Variants in R3HDM2 observed in about 807,000 individuals in gnomAD.
R3HDM2 encodes the protein R3H domain containing 2, also known as R3H domain-containing protein 2.
A neutral mutation model predicts 124.5 loss-of-function variants in R3HDM2; 38 were observed. The observed-to-expected ratio is 0.31, with a 90% CI of 0.24 to 0.40. The LOEUF (loss-of-function observed/expected upper bound fraction) is 0.40. R3HDM2 is among the 10% of genes least tolerant of loss of function. The pLI is 1.00. For missense variants in R3HDM2, 869 were observed against 1,236.9 expected, an observed-to-expected ratio of 0.70 and a Z score of 4.46; for synonymous variants, 391 against 448.0, an observed-to-expected ratio of 0.87 and a Z score of 1.61.
intron 4 of R3HDM2, among the ~76,000 whole-genome samples, chr12:57,301,709 T>C (rs1157139417): frequency 7.2e-5 from 11 of 152,236 alleles, no homozygotes; most frequent in Admixed American, 6.5e-4. Context: ...CTTGGCCTTC[T>C]TCAAACTCAA....
chr12:57,301,547 T>G (rs2051173351), intron 4 of R3HDM2, among the ~76,000 whole-genome samples: 1 of 152,218 alleles, frequency 6.6e-6, no homozygotes, highest in Non-Finnish European at 1.5e-5. Context: ...TCCTCATCTG[T>G]AAGATGGAGA....
chr12:57,382,058 T>A (rs2064969159), intron 2 of R3HDM2, among the ~76,000 whole-genome samples: 1 of 151,694 alleles, frequency 6.6e-6, no homozygotes, highest in African/African-American at 2.4e-5. Flanking sequence ...TGGATTCAAG[T>A]GATCCTCCCA....
At position 57,254,524 on chromosome 12, in the gene R3HDM2, A is replaced by G. The variant is rs1048179926; in HGVS notation, c.*249T>C. On this transcript the variant is annotated 3_prime_UTR_variant, in exon 24 of 24. Transcript: ENST00000402412. The stretch of plus-strand genomic sequence containing the variant: ...CTCAAAAAAAAAAAAAAAAAAAAAA[A>G]GAAGAGGATGGGAAGAAGAGTGATG... The G allele has an allele frequency of 4.9e-6, 2 of 406,152 alleles. No homozygotes were observed. The highest frequency in any genetic ancestry group is 8.7e-6 in the Non-Finnish European group (2 of 231,010). 25.2% of individuals were successfully genotyped at this position (406,152 alleles called of 1,614,324 possible). A position where few individuals can be genotyped will look rare whatever the true frequency, so the allele number is the denominator to read the frequency against.
chr12:57,384,136 T>C (rs1003927620), intron 2 of R3HDM2, among the ~76,000 whole-genome samples: 1 of 151,726 alleles, frequency 6.6e-6, no homozygotes, highest in Non-Finnish European at 1.5e-5. Flanking sequence ...TCGAGGCGGG[T>C]GGATCACGAG....
At chr12:57,403,764 A>G (rs2068264081) in intron 1 of R3HDM2, among the ~76,000 whole-genome samples, 1 of 151,444 alleles carries the variant, frequency 6.6e-6, no homozygotes, top group South Asian at 2.1e-4. Context: ...GGCTGCAGTG[A>G]GCCAAGATGA....
Position 57,379,802 on chromosome 12 carries a change from A to G in R3HDM2, c.-36+15947T>C, listed in dbSNP as rs1594196342. Among the ~76,000 whole-genome samples, 5 of 152,088 alleles carry G rather than the reference A, an allele frequency of 3.3e-5. No individual in the cohort carries two copies. The South Asian group carries it at 8.3e-4, about 25-fold the overall frequency. On this transcript the variant is annotated intron_variant, in intron 2 of 23. Transcript: ENST00000402412. The stretch of plus-strand genomic sequence containing the variant: ...ATGTAATATATACAATATAATATGT[A>G]AGCCAGCTTGGCCTGACCAGAAAAT...
At position 57,296,838 on chromosome 12, in the gene R3HDM2, C is replaced by A; in HGVS notation, c.561-287G>T. ...CAGCACTTTGGGAGGCCAAGGCAGG[C>A]GGATCAATTGAGTTCAGGAGTTCAA... On this transcript the variant is annotated intron_variant, in intron 8 of 23. Coordinates refer to ENST00000402412, the MANE Select transcript of R3HDM2 (RefSeq NM_001394031.1). The surrounding 1 kb of genome is among the most constrained non-coding windows in gnomAD (Gnocchi z 4.5). 3.6e-6 allele frequency: 1 copy of A among 274,686 alleles called. No homozygotes were observed. The highest frequency in any genetic ancestry group is 6.9e-6 in the Non-Finnish European group (1 of 144,830). The allele number at this position is 274,686 out of a possible 1,614,324, so 17.0% of individuals were successfully genotyped here. A position where few individuals can be genotyped will look rare whatever the true frequency, so the allele number is the denominator to read the frequency against.
At chr12:57,264,321 C>T (rs1369710838) in intron 19 of R3HDM2, among the ~76,000 whole-genome samples, 17 of 147,794 alleles carry the variant, frequency 1.2e-4, no homozygotes, top group African/African-American at 4.3e-4. Context: ...TTTGGGAGGC[C>T]GAGGCGGGCG....
chr12:57,340,169 G>A (rs2059386327), intron 2 of R3HDM2, among the ~76,000 whole-genome samples: 1 of 152,126 alleles, frequency 6.6e-6, no homozygotes, highest in Non-Finnish European at 1.5e-5. Context: ...ACCCTCAAAT[G>A]AAAGGAAAAC....
intron 19 of R3HDM2, among the ~76,000 whole-genome samples, chr12:57,264,447 C>T (rs1322304621): frequency 2.0e-5 from 3 of 149,872 alleles, no homozygotes; most frequent in African/African-American, 4.9e-5. Context: ...TGGCAGGCGC[C>T]TGTAGTCCCA....
intron 10 of R3HDM2, among the ~76,000 whole-genome samples, chr12:57,294,537 A>G (rs2049317932): frequency 6.6e-6 from 1 of 152,218 alleles, no homozygotes; most frequent in Non-Finnish European, 1.5e-5. Context: ...TCTCAAGACC[A>G]TACAATATCC....
chr12:57,329,859 T>C (rs2057884328), intron 2 of R3HDM2, among the ~76,000 whole-genome samples: 1 of 152,228 alleles, frequency 6.6e-6, no homozygotes, highest in East Asian at 1.9e-4. Context: ...AGCAATGTTT[T>C]ATAGTTTTTA....
chr12:57,255,189 G>T, intron 23 of R3HDM2, 76 bp from the exon 24 acceptor site: 1 of 1,235,166 alleles, frequency 8.1e-7, no homozygotes, highest in Non-Finnish European at 1.1e-6. Flanking sequence ...CAGCAGAGAA[G>T]TGTCCAGCTG....
At chr12:57,384,593 C>A (rs1041204367) in intron 2 of R3HDM2, among the ~76,000 whole-genome samples, 1 of 152,026 alleles carries the variant, frequency 6.6e-6, no homozygotes, top group Admixed American at 6.6e-5. Context: ...CTCAGAGCTG[C>A]AAGTATTGCA....
intron 2 of R3HDM2, among the ~76,000 whole-genome samples, chr12:57,321,812 A>G (rs2056500570): frequency 6.6e-6 from 1 of 152,232 alleles, no homozygotes; most frequent in African/African-American, 2.4e-5. Context: ...ACCTACAGTG[A>G]TCACAATCAG....
At chr12:57,371,707 T>C (rs1351531334) in intron 2 of R3HDM2, among the ~76,000 whole-genome samples, 1 of 152,158 alleles carries the variant, frequency 6.6e-6, no homozygotes, top group East Asian at 1.9e-4. Context: ...AAACAAAAAG[T>C]AAATATCATC....
chr12:57,381,409 G>C (rs2064854133), intron 2 of R3HDM2, among the ~76,000 whole-genome samples: 1 of 151,994 alleles, frequency 6.6e-6, no homozygotes, highest in East Asian at 1.9e-4. Context: ...GAAATTAGCT[G>C]GGCATCTGTA....
At chr12:57,272,436 G>A in intron 14 of R3HDM2, 2 of 1,537,022 alleles carry the variant, frequency 1.3e-6, no homozygotes, top group Non-Finnish European at 1.8e-6. Context: ...GACAAAAAGG[G>A]GGAATGGAGT....
At chr12:57,279,204 A>C (rs1050612139) in intron 14 of R3HDM2, among the ~76,000 whole-genome samples, 13 of 132,992 alleles carry the variant, frequency 9.8e-5, no homozygotes, top group Non-Finnish European at 2.0e-4. Flanking sequence ...TTTTTTTGAG[A>C]CAGGGTCTTA....
Sources: allele counts gnomAD v4.1 joint callset (sites outside exome capture counted in the v4.1 genomes callset), GRCh38; gene constraint gnomAD v4.1.1; non-coding constraint Gnocchi (gnomAD v3.1); transcripts MANE v1.5; gene names NCBI Gene and HGNC (gene_info 2026-07-23, HGNC 2026-07-21).